Variants in SSBP3 observed in about 807,000 individuals in gnomAD.
SSBP3 encodes the protein single stranded DNA binding protein 3, also known as single-stranded DNA-binding protein 3.
A neutral mutation model predicts 69.6 loss-of-function variants in SSBP3; 5 were observed. The ratio of observed to expected loss-of-function variants is 0.07; its 90% CI spans 0.04 to 0.15. The LOEUF is 0.15. SSBP3 is among the 10% of genes least tolerant of loss of function. SSBP3 has a pLI of 1.00. For synonymous variants in SSBP3, 196 were observed against 193.4 expected (o/e 1.01, Z -0.11); for missense variants, 312 against 534.0 (o/e 0.58, Z 4.10).
chr1:54,277,908 G>C (rs1386642135), intron 5 of SSBP3, among the ~76,000 whole-genome samples: 1 of 152,052 alleles, frequency 6.6e-6, no homozygotes, highest in African/African-American at 2.4e-5. Flanking sequence ...CAGATGTGCA[G>C]CCCAACCGAG....
intron 4 of SSBP3, among the ~76,000 whole-genome samples, chr1:54,330,088 A>T (rs1490956511): frequency 6.6e-6 from 1 of 152,128 alleles, no homozygotes; most frequent in Non-Finnish European, 1.5e-5. Flanking sequence ...ACATACACAC[A>T]AGAGCCTTGA....
chr1:54,388,087 T>C (rs931656718), intron 4 of SSBP3, among the ~76,000 whole-genome samples: 15 of 152,306 alleles, frequency 9.8e-5, no homozygotes, highest in African/African-American at 3.4e-4. Flanking sequence ...ACAGTCAAAA[T>C]AGGTTTATCT....
At chr1:54,234,071 A>C (rs1012676863) in intron 14 of SSBP3, among the ~76,000 whole-genome samples, 3 of 151,646 alleles carry the variant, frequency 2.0e-5, no homozygotes, top group African/African-American at 7.3e-5. Flanking sequence ...TCTCTGAAAC[A>C]TGTGCTGTGT....
chr1:54,257,228 T>A, intron 6 of SSBP3, 42 bp from the exon 7 acceptor site: 1 of 1,534,504 alleles, frequency 6.5e-7, no homozygotes, highest in South Asian at 1.2e-5. Flanking sequence ...CCTGCCCTAC[T>A]GCACAGTGAC....
intron 4 of SSBP3, among the ~76,000 whole-genome samples, chr1:54,301,658 A>T (rs930240843): frequency 6.6e-6 from 1 of 152,256 alleles, no homozygotes; most frequent in Admixed American, 6.5e-5. Context: ...GATGAAAAAC[A>T]CACACAACAG....
chr1:54,253,347 A>C (rs1644865841), intron 7 of SSBP3, among the ~76,000 whole-genome samples: 1 of 151,478 alleles, frequency 6.6e-6, no homozygotes, highest in East Asian at 1.9e-4. Flanking sequence ...ACGCGCTGTC[A>C]CACCCGGCTA....
chr1:54,278,809 C>A lies in SSBP3; in HGVS notation c.366+2629G>T, dbSNP rs538509657. 2.3e-3 allele frequency among the ~76,000 whole-genome samples: 343 copies of A among 152,358 alleles called. 2 individuals carry two copies. The highest frequency in any genetic ancestry group is 8.0e-3 in the African/African-American group (333 of 41,592). ...CCTTGGCCAAGCAGGGGAAGGAGTG[C>A]AATTGTTGGTAACAGATAAAATCCT... is the stretch of plus-strand genomic sequence containing the variant. On this transcript the variant is annotated intron_variant, in intron 5 of 17. Transcript: ENST00000610401.
At chr1:54,359,545 G>T (rs1363763130) in intron 4 of SSBP3, among the ~76,000 whole-genome samples, 1 of 152,126 alleles carries the variant, frequency 6.6e-6, no homozygotes, top group Non-Finnish European at 1.5e-5. Flanking sequence ...TGCCCTCACT[G>T]ACCTACAGAG....
At chr1:54,406,046 C>CGCCGCA in exon 1 of SSBP3, 1 of 1,417,008 alleles carries the variant, frequency 7.1e-7, no homozygotes, top group Non-Finnish European at 9.4e-7. Context: ...TCGCCGCCGC[C>CGCCGCA]GCCGCCGCCG....
intron 4 of SSBP3, among the ~76,000 whole-genome samples, chr1:54,282,311 A>C (rs1206695975): frequency 6.6e-6 from 1 of 152,200 alleles, no homozygotes; most frequent in African/African-American, 2.4e-5. Context: ...GCAAAAGATC[A>C]ATAAATATCC....
intron 8 of SSBP3, 37 bp downstream of exon 8, chr1:54,251,757 A>G (rs367755234): frequency 5.1e-4 from 810 of 1,602,788 alleles, no homozygotes; most frequent in Non-Finnish European, 6.6e-4. Flanking sequence ...CCCTCCTGGC[A>G]TCCCCAGCCA....
intron 5 of SSBP3, among the ~76,000 whole-genome samples, chr1:54,261,108 G>A (rs1039858448): frequency 2.0e-5 from 3 of 152,194 alleles, no homozygotes; most frequent in Non-Finnish European, 2.9e-5. Flanking sequence ...CCGTCACTAC[G>A]TTCCCTGTGT....
intron 4 of SSBP3, among the ~76,000 whole-genome samples, chr1:54,358,886 G>C (rs1646909433): frequency 6.6e-6 from 1 of 152,154 alleles, no homozygotes; most frequent in Admixed American, 6.5e-5. Context: ...TTGGGAGCAG[G>C]AAACAGGCCT....
intron 4 of SSBP3, among the ~76,000 whole-genome samples, chr1:54,358,373 C>T (rs1646901250): frequency 6.6e-6 from 1 of 152,230 alleles, no homozygotes; most frequent in South Asian, 2.1e-4. Flanking sequence ...CCAGCCCACC[C>T]AGCTCAGGAG....
chr1:54,384,640 C>G (rs749521067), intron 4 of SSBP3, among the ~76,000 whole-genome samples: 1 of 152,242 alleles, frequency 6.6e-6, no homozygotes, highest in Non-Finnish European at 1.5e-5. Flanking sequence ...GCTGGGAGAA[C>G]AGCCTGTGCA....
chr1:54,344,162 G>A (rs1372373900), intron 4 of SSBP3, among the ~76,000 whole-genome samples: 1 of 151,964 alleles, frequency 6.6e-6, no homozygotes, highest in Non-Finnish European at 1.5e-5. Flanking sequence ...TAAGGGCAGA[G>A]AAACGTTGAG....
chr1:54,249,218 T>C (rs1471673435), intron 9 of SSBP3, among the ~76,000 whole-genome samples: 1 of 152,170 alleles, frequency 6.6e-6, no homozygotes, highest in Middle Eastern at 3.2e-3. Context: ...CTTTAGAATC[T>C]CAGTGTTACG....
chr1:54,271,618 G>A (rs995906115), intron 5 of SSBP3, among the ~76,000 whole-genome samples: 1 of 151,878 alleles, frequency 6.6e-6, no homozygotes, highest in Non-Finnish European at 1.5e-5. Context: ...CCTGACGGCC[G>A]AGCTGGGTGC....
At chr1:54,257,643 G>A (rs371680405) in intron 6 of SSBP3, among the ~76,000 whole-genome samples, 14 of 152,064 alleles carry the variant, frequency 9.2e-5, no homozygotes, top group Admixed American at 3.9e-4. Context: ...AGCAAGGACT[G>A]GGGGGGAAAC....
Sources: allele counts gnomAD v4.1 joint callset (sites outside exome capture counted in the v4.1 genomes callset), GRCh38; gene constraint gnomAD v4.1.1; transcripts MANE v1.5; gene names NCBI Gene and HGNC (gene_info 2026-07-23, HGNC 2026-07-21).